Variants in ITGB6 observed in about 807,000 individuals in gnomAD.
The protein encoded by ITGB6 is integrin beta-6.
ITGB6 carries 80 observed loss-of-function variants against 84.5 expected under a neutral mutation model. The observed-to-expected ratio is 0.95, with a 90% CI of 0.79 to 1.14. The LOEUF (loss-of-function observed/expected upper bound fraction) is 1.14, where lower values mean the gene tolerates loss of function less well. Among genes scored for constraint, ITGB6 ranks in the 50% most tolerant of loss-of-function variants. The pLI is 0.00. For synonymous variants in ITGB6, 383 were observed against 354.9 expected (o/e 1.08, Z -0.89); for missense variants, 1,006 against 968.0 (o/e 1.04, Z -0.52).
chr2:160,142,263 G>T (rs1684028261), intron 7 of ITGB6, among the ~76,000 whole-genome samples, 192 bp from the exon 8 acceptor site: 1 of 152,132 alleles, frequency 6.6e-6, no homozygotes, highest in Non-Finnish European at 1.5e-5. Context: ...AGTGGAAAAT[G>T]GACTGGACAG....
In ITGB6 at chr2:160,138,178, G is replaced by A. The variant is rs1683841133; in HGVS notation, c.1129C>T (p.Leu377=). 1 of 1,611,850 alleles carries A rather than the reference G, an allele frequency of 6.2e-7. No homozygotes were observed. The part of the protein sequence containing the change: ...AYEELRSEVE[L]EVLGDTEGLN... ...CCTTCAGTGTCTCCTAATACTTCCA[G>A]TTCCACCTCAGACCGCAGTTCCTTT... The change falls in exon 9 of 15, where the codon CTG becomes TTG. Residue 377 remains leucine, a synonymous_variant. Transcript: ENST00000283249.
chr2:160,145,881 C>T (rs193127271), intron 7 of ITGB6, among the ~76,000 whole-genome samples: 7 of 152,278 alleles, frequency 4.6e-5, no homozygotes, highest in South Asian at 4.1e-4. Flanking sequence ...ATTCCTGCTC[C>T]GACTGTATCT....
At chr2:160,190,747 A>C (rs916902177) in intron 4 of ITGB6, among the ~76,000 whole-genome samples, 1 of 152,212 alleles carries the variant, frequency 6.6e-6, no homozygotes, top group Non-Finnish European at 1.5e-5. Flanking sequence ...CCGATTAAGG[A>C]CAGGGTCTCA....
intron 4 of ITGB6, among the ~76,000 whole-genome samples, chr2:160,185,922 CA>C (rs1316499976): frequency 6.6e-6 from 1 of 151,902 alleles, no homozygotes; most frequent in African/African-American, 2.4e-5. Context: ...TAGCCATATG[CA>C]AAAAACTGAA....
intron 7 of ITGB6, among the ~76,000 whole-genome samples, chr2:160,150,364 A>C (rs1684366535): frequency 6.6e-6 from 1 of 152,240 alleles, no homozygotes; most frequent in African/African-American, 2.4e-5. Flanking sequence ...ACTAAGCTTC[A>C]TAAGTGAAGG....
chr2:160,154,238 G>A (rs982536066), intron 7 of ITGB6, among the ~76,000 whole-genome samples: 1 of 152,168 alleles, frequency 6.6e-6, no homozygotes, highest in African/African-American at 2.4e-5. Flanking sequence ...ATACACCATG[G>A]AATACTATGC....
intron 13 of ITGB6, 123 bp from the exon 14 acceptor site, chr2:160,107,968 C>T (rs1696976384): frequency 1.3e-5 from 10 of 795,336 alleles, no homozygotes; most frequent in Non-Finnish European, 1.3e-5. Context: ...ACACCATTTT[C>T]GCCTTGCTTA....
At chr2:160,130,932 A>G (rs1683443167) in intron 10 of ITGB6, among the ~76,000 whole-genome samples, 1 of 152,204 alleles carries the variant, frequency 6.6e-6, no homozygotes, top group Non-Finnish European at 1.5e-5. Context: ...GAAAAGGACC[A>G]TCATGGCAAA....
At chr2:160,147,378 A>G (rs1559152621) in intron 7 of ITGB6, among the ~76,000 whole-genome samples, 1 of 152,230 alleles carries the variant, frequency 6.6e-6, no homozygotes, top group Non-Finnish European at 1.5e-5. Context: ...CCCATAAAGG[A>G]AAAGATTAAT....
intron 4 of ITGB6, among the ~76,000 whole-genome samples, chr2:160,181,276 G>A (rs888338613): frequency 2.0e-5 from 3 of 152,132 alleles, no homozygotes; most frequent in Non-Finnish European, 4.4e-5. Context: ...GTCTGAAGTC[G>A]ACCTGGGACA....
chr2:160,103,866 C>T (rs141285296), intron 14 of ITGB6, among the ~76,000 whole-genome samples: 38 of 152,148 alleles, frequency 2.5e-4, no homozygotes, highest in Non-Finnish European at 4.6e-4. Flanking sequence ...CTTAGAGCTC[C>T]GTAGGACCAG....
intron 10 of ITGB6, among the ~76,000 whole-genome samples, chr2:160,134,989 T>C (rs529771262): frequency 6.6e-6 from 1 of 152,084 alleles, no homozygotes; most frequent in Non-Finnish European, 1.5e-5. Context: ...CTTTGAAAAC[T>C]GGCACAAGAC....
intron 4 of ITGB6, 61 bp from the exon 5 acceptor site, chr2:160,174,200 A>ATGTG: frequency 8.0e-7 from 1 of 1,243,806 alleles, no homozygotes; most frequent in Non-Finnish European, 1.1e-6. Context: ...CAATTAATGG[A>ATGTG]TCTAATAGCT....
At chr2:160,182,582 C>T (rs1305725642) in intron 4 of ITGB6, among the ~76,000 whole-genome samples, 2 of 152,102 alleles carry the variant, frequency 1.3e-5, no homozygotes, top group African/African-American at 2.4e-5. Flanking sequence ...GGATATTATC[C>T]AGGAGAACTT....
At chr2:160,191,824 A>G (rs1241081340) in intron 4 of ITGB6, among the ~76,000 whole-genome samples, 1 of 152,200 alleles carries the variant, frequency 6.6e-6, no homozygotes, top group African/African-American at 2.4e-5. Flanking sequence ...TTTGCAGGAT[A>G]CAAAGTGAAT....
intron 7 of ITGB6, among the ~76,000 whole-genome samples, chr2:160,153,523 C>A (rs977654295): frequency 1.3e-5 from 2 of 152,150 alleles, no homozygotes; most frequent in African/African-American, 4.8e-5. Flanking sequence ...AGGACATAGG[C>A]ATGGGCAAGG....
At chr2:160,175,063 C>T (rs564102930) in intron 4 of ITGB6, among the ~76,000 whole-genome samples, 8 of 152,196 alleles carry the variant, frequency 5.3e-5, no homozygotes, top group African/African-American at 7.2e-5. Flanking sequence ...GGTGTAGAAG[C>T]GCAAAGAGAC....
chr2:160,118,099 G>A (rs1682866170), intron 12 of ITGB6, among the ~76,000 whole-genome samples: 1 of 152,146 alleles, frequency 6.6e-6, no homozygotes, highest in Non-Finnish European at 1.5e-5. Context: ...GGAGGAGCTG[G>A]TACCACTCCT....
intron 12 of ITGB6, among the ~76,000 whole-genome samples, chr2:160,117,762 C>T (rs899176226): frequency 1.2e-4 from 18 of 151,864 alleles, no homozygotes; most frequent in East Asian, 5.8e-4. Flanking sequence ...ATCAATAGAC[C>T]GCTAGCAAGA....
Sources: gnomAD v4.1 joint callset for allele counts (sites outside exome capture counted in the v4.1 genomes callset) on GRCh38, gnomAD v4.1.1 for gene constraint, MANE v1.5 for transcripts, NCBI Gene and HGNC (gene_info 2026-07-23, HGNC 2026-07-21) for gene names.